Variants in NMNAT2 observed in about 807,000 individuals in gnomAD.
The protein encoded by NMNAT2 is nicotinamide nucleotide adenylyltransferase 2, also known as nicotinamide/nicotinic acid mononucleotide adenylyltransferase 2.
In NMNAT2, 11 loss-of-function variants were observed where a neutral mutation model predicts 41.6. The ratio of observed to expected loss-of-function variants is 0.26; its 90% CI spans 0.17 to 0.44. NMNAT2 has a LOEUF of 0.44. NMNAT2 is among the 20% of genes least tolerant of loss of function. The pLI, the probability that NMNAT2 is intolerant of heterozygous loss-of-function variation, is 1.00. For missense variants in NMNAT2, 288 were observed against 407.7 expected, an observed-to-expected ratio of 0.71 and a Z score of 2.53; for synonymous variants, 148 against 151.2, an observed-to-expected ratio of 0.98 and a Z score of 0.16.
At chr1:183,352,562 C>CAAAAAAAAAAA in intron 1 of NMNAT2, among the ~76,000 whole-genome samples, 1 of 79,162 alleles carries the variant, frequency 1.3e-5, no homozygotes, top group Non-Finnish European at 2.4e-5. Flanking sequence ...CAGTCTGTCT[C>CAAAAAAAAAAA]AAAAAAAAAA....
At chr1:183,400,099 A>G (rs768564463) in intron 1 of NMNAT2, among the ~76,000 whole-genome samples, 2 of 152,206 alleles carry the variant, frequency 1.3e-5, no homozygotes, top group Non-Finnish European at 2.9e-5. Flanking sequence ...AAGGTATTCA[A>G]TTAGGAAAAG....
intron 8 of NMNAT2, among the ~76,000 whole-genome samples, chr1:183,262,676 TATA>T (rs1338914186): frequency 6.6e-6 from 1 of 152,238 alleles, no homozygotes; most frequent in African/African-American, 2.4e-5. Context: ...GATAAAAGGA[TATA>T]AACTGTACAT....
At chr1:183,378,390 T>C (rs1663723409) in intron 1 of NMNAT2, among the ~76,000 whole-genome samples, 2 of 145,328 alleles carry the variant, frequency 1.4e-5, no homozygotes, top group Non-Finnish European at 3.0e-5. Context: ...GGAGACTCCA[T>C]TAAAAAAAAA....
chr1:183,259,479 A>G (rs1440788560), intron 10 of NMNAT2, among the ~76,000 whole-genome samples: 3 of 152,210 alleles, frequency 2.0e-5, no homozygotes, highest in Admixed American at 1.3e-4. Flanking sequence ...CTGGGCCACC[A>G]CTGCCGGTGG....
At chr1:183,331,299 A>G (rs1189501022) in intron 1 of NMNAT2, among the ~76,000 whole-genome samples, 1 of 152,182 alleles carries the variant, frequency 6.6e-6, no homozygotes, top group Non-Finnish European at 1.5e-5. Context: ...GAGGGTTGCC[A>G]AAGCCTGTTT....
intron 10 of NMNAT2, 56 bp from the exon 11 acceptor site, chr1:183,252,799 G>A: frequency 7.9e-7 from 1 of 1,268,920 alleles, no homozygotes; most frequent in Non-Finnish European, 1.2e-6. Flanking sequence ...CAAGTCAGGA[G>A]GACTGGCATG....
At chr1:183,301,980 A>T (rs999029636) in intron 1 of NMNAT2, among the ~76,000 whole-genome samples, 2 of 152,172 alleles carry the variant, frequency 1.3e-5, no homozygotes, top group African/African-American at 2.4e-5. Flanking sequence ...CCTGTTTGTA[A>T]ATTTCCCAAA....
chr1:183,253,352 T>G (rs1269724697), intron 10 of NMNAT2, among the ~76,000 whole-genome samples: 1 of 149,048 alleles, frequency 6.7e-6, no homozygotes, highest in East Asian at 1.9e-4. Flanking sequence ...ATTTATATAA[T>G]ATAGTTTAAT....
intron 8 of NMNAT2, among the ~76,000 whole-genome samples, chr1:183,270,109 C>T (rs971776840): frequency 6.6e-6 from 1 of 152,190 alleles, no homozygotes; most frequent in East Asian, 1.9e-4. Flanking sequence ...TAGTCTCGAT[C>T]TCCTGACCTC....
chr1:183,396,814 C>T (rs1304967232), intron 1 of NMNAT2, among the ~76,000 whole-genome samples: 3 of 152,338 alleles, frequency 2.0e-5, no homozygotes, highest in East Asian at 3.9e-4. Context: ...TAAAACTTGT[C>T]TCAGTCTGTT....
intron 8 of NMNAT2, among the ~76,000 whole-genome samples, chr1:183,262,374 A>G (rs191258245): frequency 4.4e-4 from 67 of 151,976 alleles, no homozygotes; most frequent in African/African-American, 1.6e-3. Flanking sequence ...GGTCTAATGT[A>G]TATCTGTAGT....
chr1:183,320,689 C>T (rs544365486), intron 1 of NMNAT2, among the ~76,000 whole-genome samples: 2 of 152,294 alleles, frequency 1.3e-5, no homozygotes, highest in South Asian at 2.1e-4. Context: ...GACTGGGTCA[C>T]GAGACAGCTA....
At chr1:183,413,444 G>C (rs929510610) in intron 1 of NMNAT2, among the ~76,000 whole-genome samples, 1 of 152,078 alleles carries the variant, frequency 6.6e-6, no homozygotes, top group African/African-American at 2.4e-5. Flanking sequence ...TGGTGGCTGT[G>C]AGCATGCACC....
chr1:183,391,443 C>T (rs1648480528), intron 1 of NMNAT2, among the ~76,000 whole-genome samples: 1 of 152,184 alleles, frequency 6.6e-6, no homozygotes, highest in Admixed American at 6.6e-5. Flanking sequence ...TTCGAGATTT[C>T]TCCCTTCTCA....
At chr1:183,292,694 A>T (rs1014237912) in intron 3 of NMNAT2, 96 bp downstream of exon 3, 12 of 1,139,968 alleles carry the variant, frequency 1.1e-5, no homozygotes, top group African/African-American at 1.5e-5. Context: ...CCATCCTTTC[A>T]GGATCCAAAT....
rs1660308024 is a variant in NMNAT2, at chr1:183,249,204, T to C, written c.*3437A>G. 1 of 152,182 alleles carries C rather than the reference T, an allele frequency of 6.6e-6. No homozygotes were observed. The highest frequency in any genetic ancestry group is 2.4e-5 in the African/African-American group (1 of 41,436). 9.4% of individuals were successfully genotyped at this position (152,182 alleles called of 1,614,324 possible). A position where few individuals can be genotyped will look rare whatever the true frequency, so the allele number is the denominator to read the frequency against. On this transcript the variant is annotated 3_prime_UTR_variant, in exon 11 of 11. Transcript: ENST00000287713. ...AGAGACTTTCCCCCTTGTTCCTATG[T>C]ACATTCAAGGAAAATGAAAGCAAGA... is the stretch of plus-strand genomic sequence containing the variant.
chr1:183,287,429 G>T (rs939791557), intron 4 of NMNAT2, among the ~76,000 whole-genome samples: 2 of 152,208 alleles, frequency 1.3e-5, no homozygotes, highest in Admixed American at 1.3e-4. Flanking sequence ...GGGAAGCAGG[G>T]TGGGTGGGTT....
intron 1 of NMNAT2, among the ~76,000 whole-genome samples, chr1:183,373,332 A>G (rs1663593113): frequency 6.6e-6 from 1 of 152,194 alleles, no homozygotes; most frequent in Admixed American, 6.5e-5. Context: ...CCTGATTGCA[A>G]AAGGGTCCTT....
At chr1:183,329,184 A>G (rs2102337288) in intron 1 of NMNAT2, among the ~76,000 whole-genome samples, 1 of 152,274 alleles carries the variant, frequency 6.6e-6, no homozygotes, top group Non-Finnish European at 1.5e-5. Context: ...CATAAACTAG[A>G]GTAACAATCA....
Sources: gnomAD v4.1 joint callset for allele counts (sites outside exome capture counted in the v4.1 genomes callset) on GRCh38, gnomAD v4.1.1 for gene constraint, MANE v1.5 for transcripts, NCBI Gene and HGNC (gene_info 2026-07-23, HGNC 2026-07-21) for gene names.